LRRC4C: variants seen among roughly 807,000 people sequenced by gnomAD.
LRRC4C encodes the protein leucine rich repeat containing 4C.
LRRC4C carries 5 observed loss-of-function variants against 33.6 expected under a neutral mutation model. The observed-to-expected ratio is 0.15, with a 90% CI of 0.08 to 0.31. The LOEUF is 0.31. LRRC4C is among the 10% of genes least tolerant of loss of function. The pLI is 1.00. For synonymous variants in LRRC4C, 329 were observed against 302.0 expected (o/e 1.09, Z -0.93); for missense variants, 560 against 796.7 (o/e 0.70, Z 3.58).
chr11:41,008,241 T>C (rs191921672), intron 1 of LRRC4C, among the ~76,000 whole-genome samples: 4 of 152,262 alleles, frequency 2.6e-5, no homozygotes, highest in Admixed American at 6.5e-5. Flanking sequence ...AGTGATGTTT[T>C]TAGACATAAA....
intron 1 of LRRC4C, among the ~76,000 whole-genome samples, chr11:41,016,551 C>G (rs1053987236): frequency 2.6e-5 from 4 of 152,126 alleles, no homozygotes; most frequent in Middle Eastern, 3.2e-3. Context: ...TGTCTTTAGT[C>G]CTTTACATTG....
chr11:41,343,491 G>A (rs1041137086), intron 1 of LRRC4C, among the ~76,000 whole-genome samples: 4 of 152,164 alleles, frequency 2.6e-5, no homozygotes, highest in Non-Finnish European at 4.4e-5. Context: ...AGTGAAATTC[G>A]ATTATCTTTG....
At chr11:40,656,238 C>T (rs577565177) in intron 2 of LRRC4C, among the ~76,000 whole-genome samples, 1 of 150,744 alleles carries the variant, frequency 6.6e-6, no homozygotes, top group African/African-American at 2.4e-5. Context: ...TTTGTCCACT[C>T]ATCTCTAATC....
chr11:40,566,578 G>A (rs1957777294), intron 3 of LRRC4C, among the ~76,000 whole-genome samples: 1 of 152,014 alleles, frequency 6.6e-6, no homozygotes, highest in Non-Finnish European at 1.5e-5. Context: ...TATGTTAAAT[G>A]AGCAGGTATG....
intron 6 of LRRC4C, among the ~76,000 whole-genome samples, chr11:40,136,549 T>G (rs1856994561): frequency 6.6e-6 from 1 of 151,970 alleles, no homozygotes; most frequent in Non-Finnish European, 1.5e-5. Flanking sequence ...GTGCTGGGAT[T>G]ACAGGTGTGA....
At chr11:41,453,612 T>C (rs1956092127) in intron 1 of LRRC4C, among the ~76,000 whole-genome samples, 1 of 152,016 alleles carries the variant, frequency 6.6e-6, no homozygotes, top group Non-Finnish European at 1.5e-5. Flanking sequence ...TTTGTTTGCC[T>C]TATCTGTAGT....
chr11:41,285,717 C>A (rs974619212), intron 1 of LRRC4C, among the ~76,000 whole-genome samples: 1 of 152,072 alleles, frequency 6.6e-6, no homozygotes, highest in African/African-American at 2.4e-5. Flanking sequence ...GGGTTTCATA[C>A]ATATTTAAAG....
At chr11:40,714,930 G>C (rs886149724) in intron 2 of LRRC4C, among the ~76,000 whole-genome samples, 1 of 152,090 alleles carries the variant, frequency 6.6e-6, no homozygotes, top group African/African-American at 2.4e-5. Context: ...TTAATTCCAA[G>C]TGGATTAAAG....
At chr11:41,415,606 A>G (rs941258384) in intron 1 of LRRC4C, among the ~76,000 whole-genome samples, 6 of 152,110 alleles carry the variant, frequency 3.9e-5, no homozygotes, top group African/African-American at 1.4e-4. Flanking sequence ...TGTCCCCAAC[A>G]TGGATGGGTA....
chr11:41,451,808 C>A (rs1956034107), intron 1 of LRRC4C, among the ~76,000 whole-genome samples: 1 of 152,146 alleles, frequency 6.6e-6, no homozygotes, highest in Admixed American at 6.6e-5. Flanking sequence ...GTCCAGGTAC[C>A]TTGGTAGAGA....
intron 2 of LRRC4C, among the ~76,000 whole-genome samples, chr11:40,672,079 A>G (rs1386117444): frequency 6.6e-6 from 1 of 152,212 alleles, no homozygotes; most frequent in Non-Finnish European, 1.5e-5. Context: ...GCTATAACAA[A>G]CTACCATAGA....
At chr11:41,024,092 T>C (rs1167591271) in intron 1 of LRRC4C, among the ~76,000 whole-genome samples, 1 of 151,634 alleles carries the variant, frequency 6.6e-6, no homozygotes, top group Non-Finnish European at 1.5e-5. Flanking sequence ...CCAAATTATA[T>C]AGATAGTCCT....
At chr11:41,289,662 C>T (rs757867259) in intron 1 of LRRC4C, among the ~76,000 whole-genome samples, 4 of 152,168 alleles carry the variant, frequency 2.6e-5, no homozygotes, top group Non-Finnish European at 5.9e-5. Context: ...CAACCCTGAT[C>T]GCACCTTAGT....
At chr11:40,669,169 C>A (rs954985054) in intron 2 of LRRC4C, among the ~76,000 whole-genome samples, 2 of 152,164 alleles carry the variant, frequency 1.3e-5, no homozygotes, top group African/African-American at 4.8e-5. Flanking sequence ...GGCCCCTTCT[C>A]CTCTTCTTCT....
intron 2 of LRRC4C, among the ~76,000 whole-genome samples, chr11:40,773,987 A>G (rs943472296): frequency 3.3e-5 from 5 of 152,088 alleles, no homozygotes; most frequent in African/African-American, 1.2e-4. Flanking sequence ...ATAAAACCCC[A>G]TGCCCATCAA....
At chr11:40,719,393 G>T (rs567208056) in intron 2 of LRRC4C, among the ~76,000 whole-genome samples, 1 of 152,132 alleles carries the variant, frequency 6.6e-6, no homozygotes, top group Non-Finnish European at 1.5e-5. Context: ...GGGAGTTAAA[G>T]TTAGAAAAGT....
At chr11:41,422,501 C>A (rs1272060885) in intron 1 of LRRC4C, among the ~76,000 whole-genome samples, 1 of 151,980 alleles carries the variant, frequency 6.6e-6, no homozygotes, top group African/African-American at 2.4e-5. Flanking sequence ...GTCATGAGAG[C>A]ACCCACTGGA....
intron 1 of LRRC4C, among the ~76,000 whole-genome samples, chr11:41,100,337 G>A (rs1248709146): frequency 6.6e-6 from 1 of 152,044 alleles, no homozygotes; most frequent in African/African-American, 2.4e-5. Flanking sequence ...GAGGCCCGAG[G>A]TGGGTGGATC....
Position 40,705,515 on chromosome 11 carries a change from G to A in LRRC4C, c.-406-57237C>T, listed in dbSNP as rs965241819. On this transcript the variant is annotated intron_variant, in intron 2 of 6. Coordinates refer to ENST00000528697, the MANE Select transcript of LRRC4C (RefSeq NM_001258419.2). ...AATGATGGTTTCCAGCTTCATCCACGTGGCTGCAAAGGACATGAACTCATT... is the reference window on the plus strand; with the variant it reads ...AATGATGGTTTCCAGCTTCATCCACATGGCTGCAAAGGACATGAACTCATT... Among the ~76,000 whole-genome samples, 24 of 132,360 alleles carry A rather than the reference G, an allele frequency of 1.8e-4. 1 individual carries two copies. The highest frequency in any genetic ancestry group is 1.6e-3 in the Admixed American group (20 of 12,172). 86.8% of individuals were successfully genotyped at this position (132,360 alleles called of 152,430 possible).
Sources: allele counts gnomAD v4.1 joint callset (sites outside exome capture counted in the v4.1 genomes callset), GRCh38; gene constraint gnomAD v4.1.1; transcripts MANE v1.5; gene names NCBI Gene and HGNC (gene_info 2026-07-23, HGNC 2026-07-21).